The following LUZP2 variants were observed in gnomAD, a reference collection of about 807,000 sequenced individuals.
LUZP2 encodes the protein leucine zipper protein 2.
Under a neutral mutation model 51.6 loss-of-function variants are expected in LUZP2, and 52 were observed. That is an observed-to-expected ratio of 1.01 (90% CI 0.81 to 1.27). The LOEUF is 1.27. LUZP2 is among the 50% of genes most tolerant of loss of function. LUZP2 has a pLI of 0.00. For missense variants in LUZP2, 436 were observed against 395.4 expected, an observed-to-expected ratio of 1.10 and a Z score of -0.87; for synonymous variants, 154 against 137.3, an observed-to-expected ratio of 1.12 and a Z score of -0.85.
chr11:24,640,409 A>G (rs1431816341), intron 1 of LUZP2, among the ~76,000 whole-genome samples: 1 of 151,946 alleles, frequency 6.6e-6, no homozygotes, highest in Non-Finnish European at 1.5e-5. Flanking sequence ...TCCCAAGAGA[A>G]AGACAATGAG....
At chr11:24,713,974 G>A (rs1857941460) in intron 1 of LUZP2, among the ~76,000 whole-genome samples, 1 of 149,138 alleles carries the variant, frequency 6.7e-6, no homozygotes, top group South Asian at 2.1e-4. Context: ...GGGATTACAG[G>A]CATGAGCCAC....
chr11:24,973,366 T>TGTTG (rs1554948334), intron 7 of LUZP2, among the ~76,000 whole-genome samples: 2 of 114,690 alleles, frequency 1.7e-5, no homozygotes, highest in Non-Finnish European at 3.2e-5. Flanking sequence ...ATTTATTAGT[T>TGTTG]TTTTTTTTTT....
intron 5 of LUZP2, among the ~76,000 whole-genome samples, chr11:24,781,276 G>C (rs1849082249): frequency 6.6e-6 from 1 of 152,024 alleles, no homozygotes; most frequent in African/African-American, 2.4e-5. Flanking sequence ...ACCATCAGCT[G>C]AAACATTTCA....
At chr11:24,873,684 T>C (rs1397403054) in intron 5 of LUZP2, among the ~76,000 whole-genome samples, 2 of 151,970 alleles carry the variant, frequency 1.3e-5, no homozygotes, top group African/African-American at 4.8e-5. Flanking sequence ...ACACTCCTTA[T>C]TATTTGGGAG....
At chr11:24,830,487 T>G (rs1206019809) in intron 5 of LUZP2, among the ~76,000 whole-genome samples, 2 of 149,746 alleles carry the variant, frequency 1.3e-5, no homozygotes, top group Non-Finnish European at 3.0e-5. Flanking sequence ...CGGGGCACCT[T>G]GAGTGACACA....
intron 9 of LUZP2, among the ~76,000 whole-genome samples, chr11:25,020,839 T>G (rs1445235343): frequency 6.6e-6 from 1 of 152,080 alleles, no homozygotes; most frequent in South Asian, 2.1e-4. Flanking sequence ...TAGATAAACG[T>G]TGTAATAGGC....
At chr11:24,933,540 T>C (rs1405563504) in intron 7 of LUZP2, among the ~76,000 whole-genome samples, 3 of 152,224 alleles carry the variant, frequency 2.0e-5, no homozygotes, top group Non-Finnish European at 4.4e-5. Flanking sequence ...TTGTTTTTTC[T>C]ATTTGACCAT....
chr11:24,747,502 G>C (rs1052356982), intron 4 of LUZP2, among the ~76,000 whole-genome samples: 12 of 152,096 alleles, frequency 7.9e-5, no homozygotes, highest in African/African-American at 2.4e-4. Context: ...GTGGTTTCAT[G>C]TTCTATTTTT....
At chr11:24,501,400 G>C (rs974999827) in intron 1 of LUZP2, among the ~76,000 whole-genome samples, 1 of 152,164 alleles carries the variant, frequency 6.6e-6, no homozygotes, top group Non-Finnish European at 1.5e-5. Flanking sequence ...CCATGTAATT[G>C]AAAGGAAGAA....
chr11:24,672,005 A>T (rs1856415726), intron 1 of LUZP2, among the ~76,000 whole-genome samples: 1 of 152,138 alleles, frequency 6.6e-6, no homozygotes, highest in Non-Finnish European at 1.5e-5. Flanking sequence ...AAATGTAGTG[A>T]GGGAATGGGC....
At chr11:25,026,149 G>A (rs1476255053) in intron 9 of LUZP2, among the ~76,000 whole-genome samples, 1 of 146,014 alleles carries the variant, frequency 6.8e-6, no homozygotes, top group Non-Finnish European at 1.5e-5. Flanking sequence ...TCATGGGGTA[G>A]GGGGAGGGGG....
chr11:24,732,491 A>T (rs1386249), intron 3 of LUZP2, among the ~76,000 whole-genome samples: 109,315 of 151,364 alleles, frequency 0.72, 39,876 homozygotes, highest in Admixed American at 0.84. Context: ...AGATGGACCC[A>T]GGTAAGTCTG....
At chr11:24,562,714 T>G (rs1446042884) in intron 1 of LUZP2, among the ~76,000 whole-genome samples, 1 of 115,460 alleles carries the variant, frequency 8.7e-6, no homozygotes, top group Non-Finnish European at 1.9e-5. Flanking sequence ...AAAAAAAAAT[T>G]ACCTGGGCGT....
chr11:24,670,706 G>T (rs1271933049), intron 1 of LUZP2, among the ~76,000 whole-genome samples: 1 of 151,676 alleles, frequency 6.6e-6, no homozygotes, highest in African/African-American at 2.4e-5. Context: ...TAACTTATAT[G>T]TTATTTTTTA....
At chr11:24,543,892 T>C (rs1051438535) in intron 1 of LUZP2, among the ~76,000 whole-genome samples, 2 of 150,524 alleles carry the variant, frequency 1.3e-5, no homozygotes, top group Non-Finnish European at 2.9e-5. Context: ...TATTTAGGTA[T>C]TGTTAAAGTG....
At chr11:24,604,268 A>G (rs1019897716) in intron 1 of LUZP2, among the ~76,000 whole-genome samples, 18 of 151,806 alleles carry the variant, frequency 1.2e-4, no homozygotes, top group Admixed American at 1.1e-3. Context: ...ACTGCATATA[A>G]TCCTGCAAGC....
chr11:24,575,497 T>C (rs193211205), intron 1 of LUZP2, among the ~76,000 whole-genome samples: 4 of 152,360 alleles, frequency 2.6e-5, no homozygotes, highest in Non-Finnish European at 5.9e-5. Flanking sequence ...GCTATCAGCA[T>C]AGATTTAGAA....
At chr11:24,786,526 T>A (rs1321761125) in intron 5 of LUZP2, 1 of 744,458 alleles carries the variant, frequency 1.3e-6, no homozygotes, top group Non-Finnish European at 1.6e-6. Context: ...TATATTTGTA[T>A]ATACACAAAT....
chr11:24,864,846 C>T (rs1245679671), intron 5 of LUZP2, among the ~76,000 whole-genome samples: 2 of 152,144 alleles, frequency 1.3e-5, no homozygotes. Flanking sequence ...GGAGCTGCTT[C>T]CACAAGAAAG....
Sources: gnomAD v4.1 joint callset for allele counts (sites outside exome capture counted in the v4.1 genomes callset) on GRCh38, gnomAD v4.1.1 for gene constraint, MANE v1.5 for transcripts, NCBI Gene and HGNC (gene_info 2026-07-23, HGNC 2026-07-21) for gene names.